Variants in WWP1 observed in about 807,000 individuals in gnomAD.
WWP1 encodes the protein NEDD4-like E3 ubiquitin-protein ligase WWP1.
In WWP1, 49 loss-of-function variants were observed where a neutral mutation model predicts 130.6. That is an observed-to-expected ratio of 0.38 (90% confidence interval 0.30 to 0.48). The LOEUF (loss-of-function observed/expected upper bound fraction) is 0.48, where lower values mean the gene tolerates loss of function less well. Ranked by LOEUF, WWP1 falls within the 20% of genes least tolerant of loss-of-function variation. WWP1 has a pLI of 0.99. For missense variants in WWP1, 809 were observed against 1,100.6 expected (o/e 0.74, Z 3.75); for synonymous variants, 332 against 367.8 (o/e 0.90, Z 1.11).
intron 17 of WWP1, among the ~76,000 whole-genome samples, chr8:86,441,756 G>A (rs1229141725): frequency 6.6e-6 from 1 of 152,176 alleles, no homozygotes; most frequent in Non-Finnish European, 1.5e-5. Flanking sequence ...AGGTATATAA[G>A]GAATGGAGGA....
intron 9 of WWP1, among the ~76,000 whole-genome samples, chr8:86,419,448 A>G (rs544654153): frequency 3.1e-4 from 47 of 152,338 alleles, no homozygotes; most frequent in Non-Finnish European, 6.5e-4. Context: ...CTATTTTAAT[A>G]TCCTCTGAGG....
chr8:86,427,950 C>G (rs890128442), intron 11 of WWP1, 133 bp downstream of exon 11: 1 of 723,300 alleles, frequency 1.4e-6, no homozygotes, highest in East Asian at 3.1e-5. Context: ...GACTGTGTTA[C>G]AAGATATTTT....
chr8:86,392,538 A>G (rs776485683), intron 5 of WWP1, among the ~76,000 whole-genome samples: 5 of 152,216 alleles, frequency 3.3e-5, no homozygotes. Context: ...TTCAATTCGA[A>G]GTAAATTATG....
At chr8:86,429,352 A>G (rs1282529221) in intron 11 of WWP1, among the ~76,000 whole-genome samples, 1 of 152,176 alleles carries the variant, frequency 6.6e-6, no homozygotes, top group Non-Finnish European at 1.5e-5. Flanking sequence ...TCTACCTCCA[A>G]CAAAACAGGG....
chr8:86,366,106 C>G (rs545140634), intron 1 of WWP1, among the ~76,000 whole-genome samples: 1 of 152,270 alleles, frequency 6.6e-6, no homozygotes, highest in Admixed American at 6.5e-5. Context: ...GAAGGGATGC[C>G]GGAGAGTGCT....
At chr8:86,419,892 C>T (rs1315912566) in intron 9 of WWP1, among the ~76,000 whole-genome samples, 1 of 152,144 alleles carries the variant, frequency 6.6e-6, no homozygotes, top group African/African-American at 2.4e-5. Flanking sequence ...CTAGAATCAA[C>T]ACGAAAAGCT....
In WWP1 at chr8:86,427,734, G is replaced by C. The variant is rs774514461; in HGVS notation, c.1249G>C (p.Val417Leu). The part of the protein sequence containing the change: ...TTWQRPTMES[V>L]RNFEQWQSQR... The stretch of plus-strand genomic sequence containing the variant: ...GTGGCAGCGGCCTACCATGGAATCT[G>C]TCCGAAATTTTGAACAGTGGCAATC... The change falls in exon 11 of 25, where the codon GTC becomes CTC. Residue 417 changes from valine (V) to leucine (L), a missense_variant. Physicochemically the swap from Val to Leu is conservative, Grantham distance 32. Coordinates refer to ENST00000517970, the MANE Select transcript of WWP1 (RefSeq NM_007013.4). 1 of 1,614,076 alleles carries C rather than the reference G, an allele frequency of 6.2e-7. No individual in the cohort carries two copies. Among genetic ancestry groups the C allele is most frequent in the Non-Finnish European group, 8.5e-7 (1 of 1,179,972 alleles).
intron 5 of WWP1, among the ~76,000 whole-genome samples, chr8:86,383,752 T>C (rs972697188): frequency 6.6e-6 from 1 of 152,070 alleles, no homozygotes; most frequent in Non-Finnish European, 1.5e-5. Flanking sequence ...AAAAAATAAC[T>C]AAATAAATAT....
chr8:86,358,906 GA>G (rs984405269), intron 1 of WWP1, among the ~76,000 whole-genome samples: 16 of 151,980 alleles, frequency 1.1e-4, no homozygotes, highest in African/African-American at 3.9e-4. Context: ...GAGAGATAGA[GA>G]AAAAAACATG....
chr8:86,367,271 G>A (rs1824025565), intron 1 of WWP1, among the ~76,000 whole-genome samples: 1 of 152,184 alleles, frequency 6.6e-6, no homozygotes, highest in Non-Finnish European at 1.5e-5. Flanking sequence ...CAGCCAATAA[G>A]TATGTTTGTT....
At chr8:86,433,693 C>T (rs1414847490) in intron 14 of WWP1, among the ~76,000 whole-genome samples, 3 of 152,172 alleles carry the variant, frequency 2.0e-5, no homozygotes, top group Non-Finnish European at 2.9e-5. Context: ...CCTATAATCC[C>T]AGCAGTTTGG....
chr8:86,352,973 T>C (rs947938293), intron 1 of WWP1, among the ~76,000 whole-genome samples: 1 of 152,222 alleles, frequency 6.6e-6, no homozygotes, highest in African/African-American at 2.4e-5. Context: ...CTAGAAGTTA[T>C]GATTCATTAT....
Position 86,342,884 on chromosome 8 carries a change from C to T in WWP1, c.-161C>T, listed in dbSNP as rs1181496387. ...GGGCGCCCGCCGCAGGAGGAGGTGC[C>T]GCTGCCGTGGCCGCCCGGCTGCCGG... On this transcript the variant is annotated 5_prime_UTR_variant, in exon 1 of 25. Coordinates refer to ENST00000517970, the MANE Select transcript of WWP1 (RefSeq NM_007013.4). The T allele has an allele frequency of 2.9e-5, 10 of 343,984 alleles. No homozygotes were observed. The highest frequency in any genetic ancestry group is 8.0e-4 in the Middle Eastern group (1 of 1,254). The allele number at this position is 343,984 out of a possible 1,614,324, so 21.3% of individuals were successfully genotyped here.
At chr8:86,343,929 T>C (rs1822403225) in intron 1 of WWP1, among the ~76,000 whole-genome samples, 1 of 152,188 alleles carries the variant, frequency 6.6e-6, no homozygotes, top group African/African-American at 2.4e-5. Context: ...TTGGTGTTTT[T>C]ACCTGAAATA....
chr8:86,374,518 G>A lies in WWP1; in HGVS notation c.70+398G>A, dbSNP rs185377212. 3.0e-3 allele frequency among the ~76,000 whole-genome samples: 458 copies of A among 152,138 alleles called. 2 individuals are homozygous for A. Among genetic ancestry groups the A allele is most frequent in the African/African-American group, 0.011 (436 of 41,504 alleles). ...GTAATTCCCATGGTACTCATTATAT[G>A]AATTTAGTTATTTCTAGGAGGTTTC... On this transcript the variant is annotated intron_variant, in intron 3 of 24. Transcript: ENST00000517970.
chr8:86,424,534 A>C (rs1446871744), intron 9 of WWP1, among the ~76,000 whole-genome samples: 1 of 151,560 alleles, frequency 6.6e-6, no homozygotes, highest in Non-Finnish European at 1.5e-5. Flanking sequence ...TGAGTGAACG[A>C]GACTCCGTCT....
chr8:86,346,348 G>A (rs944896381), intron 1 of WWP1, among the ~76,000 whole-genome samples: 4 of 152,108 alleles, frequency 2.6e-5, no homozygotes, highest in Admixed American at 1.3e-4. Context: ...GTGTGAACCC[G>A]GGAGGCGGAG....
At chr8:86,355,699 C>T (rs1051645591) in intron 1 of WWP1, among the ~76,000 whole-genome samples, 1 of 152,134 alleles carries the variant, frequency 6.6e-6, no homozygotes. Context: ...TACTTTTACA[C>T]ACTTATCTTT....
chr8:86,386,382 T>C (rs1039147804), intron 5 of WWP1, among the ~76,000 whole-genome samples: 1 of 151,598 alleles, frequency 6.6e-6, no homozygotes, highest in African/African-American at 2.4e-5. Context: ...GTACAGTTGC[T>C]GTACCCTAGC....
Sources: allele counts gnomAD v4.1 joint callset (sites outside exome capture counted in the v4.1 genomes callset), GRCh38; gene constraint gnomAD v4.1.1; transcripts MANE v1.5; gene names NCBI Gene and HGNC (gene_info 2026-07-23, HGNC 2026-07-21).